SPG7: variants seen among roughly 807,000 people sequenced by gnomAD.
SPG7 encodes SPG7 matrix AAA peptidase subunit, paraplegin.
Under a neutral mutation model 81.9 loss-of-function variants are expected in SPG7, and 103 were observed. The ratio of observed to expected loss-of-function variants is 1.26; its 90% CI spans 1.07 to 1.48. The LOEUF (loss-of-function observed/expected upper bound fraction) is 1.48. Among genes scored for constraint, SPG7 ranks in the 40% most tolerant of loss-of-function variants. SPG7 has a pLI of 0.00. For synonymous variants in SPG7, 534 were observed against 444.2 expected (o/e 1.20, Z -2.54); for missense variants, 1,241 against 1,087.3 (o/e 1.14, Z -1.99).
chr16:89,525,186 T>TG (rs1270957971), intron 4 of SPG7, among the ~76,000 whole-genome samples: 3 of 152,136 alleles, frequency 2.0e-5, no homozygotes, highest in Non-Finnish European at 1.5e-5. Flanking sequence ...CAGGCTGGTC[T>TG]TGAACTCCTG....
rs1433673841 is a variant in SPG7, at chr16:89,556,887, C to A, written c.2182C>A (p.Leu728Met). The A allele has an allele frequency of 6.2e-7, 1 of 1,612,798 alleles. No homozygotes were observed. The highest frequency in any genetic ancestry group is 1.1e-5 in the South Asian group (1 of 91,052). Residue 728 changes from leucine to methionine, a missense_variant and splice_region_variant, in exon 17 of 17, where the codon CTG becomes ATG. Coordinates refer to ENST00000645818, the MANE Select transcript of SPG7 (RefSeq NM_003119.4). ...LQDNLDKLQA[L>M]ANALLEKEVI... ...ACACTGCTATGCCTGTTCTTTCTAG[C>A]TGGCAAACGCCCTTCTGGAAAAGGA... is the stretch of plus-strand genomic sequence containing the variant.
At chr16:89,535,577 G>T (rs1419706372) in intron 9 of SPG7, among the ~76,000 whole-genome samples, 1 of 152,198 alleles carries the variant, frequency 6.6e-6, no homozygotes, top group African/African-American at 2.4e-5. Flanking sequence ...GTGGTCATGG[G>T]AGTCGAGTTT....
intron 3 of SPG7, chr16:89,522,033 T>G (rs2058194755): frequency 6.6e-6 from 1 of 152,166 alleles, no homozygotes; most frequent in South Asian, 2.1e-4. Context: ...CAATTGGTAA[T>G]TAAATATTGG....
Position 89,532,494 on chromosome 16 carries a change from T to C in SPG7, c.1182T>C (p.Phe394=). The C allele has an allele frequency of 6.2e-7, 1 of 1,613,602 alleles. No homozygotes were observed. ...GLGAARVRSL[F]KEARARAPCI... is the part of the protein sequence containing the mutation. The stretch of plus-strand genomic sequence containing the variant: ...GCGCTGCCCGTGTGCGGAGCCTCTT[T>C]AAGGAAGCCCGAGCCCGGGCCCCCT... Residue 394 remains phenylalanine, a synonymous_variant, in exon 9 of 17, where the codon TTT becomes TTC. Transcript: ENST00000645818.
Position 89,532,610 on chromosome 16 carries a change from T to C in SPG7, c.1298T>C (p.Leu433Pro), listed in dbSNP as rs2058360596. ...TCCAACACGGAGGAGGAGCAGACGC[T>C]CAACCAGCTTCTGGTAGAAATGGAT... The part of the protein sequence containing the change: ...GFSNTEEEQT[L>P]NQLLVEMDGM... The change falls in exon 9 of 17, where the codon CTC (leucine) becomes CCC (proline). Residue 433 changes from leucine to proline, a missense_variant. Leu to Pro is a moderately conservative substitution (Grantham distance 98, BLOSUM62 -3). Transcript: ENST00000645818. The C allele has an allele frequency of 6.2e-7, 1 of 1,613,566 alleles. No individual in the cohort carries two copies. The highest frequency in any genetic ancestry group is 1.7e-5 in the Admixed American group (1 of 60,010).
At chr16:89,511,009 G>T (rs1415507733) in intron 2 of SPG7, among the ~76,000 whole-genome samples, 1 of 151,986 alleles carries the variant, frequency 6.6e-6, no homozygotes, top group Admixed American at 6.6e-5. Flanking sequence ...ATTTTTGGGG[G>T]GTATTTTTTG....
At chr16:89,529,995 A>G (rs1597629834) in intron 6 of SPG7, 1 of 306,544 alleles carries the variant, frequency 3.3e-6, no homozygotes, top group Non-Finnish European at 6.3e-6. Context: ...ACGCGCCACC[A>G]CGTCCAGCTA....
intron 5 of SPG7, among the ~76,000 whole-genome samples, chr16:89,527,751 T>G (rs1351613897): frequency 6.6e-6 from 1 of 152,170 alleles, no homozygotes; most frequent in Non-Finnish European, 1.5e-5. Flanking sequence ...TGTTGACTTG[T>G]AATCTCTGAA....
At chr16:89,544,907 G>A (rs962858101) in intron 10 of SPG7, 135 bp downstream of exon 10, 15 of 1,112,640 alleles carry the variant, frequency 1.3e-5, no homozygotes, top group Non-Finnish European at 1.9e-5. Flanking sequence ...AGTGTCCAGC[G>A]TGGCCCCCGC....
At chr16:89,536,797 A>T (rs1194225164) in intron 9 of SPG7, 1 of 1,613,960 alleles carries the variant, frequency 6.2e-7, no homozygotes, top group Non-Finnish European at 8.5e-7. Flanking sequence ...CTCCCAGGGG[A>T]CCATGAGGAA....
At position 89,548,101 on chromosome 16, in the gene SPG7, C is replaced by G. The variant is rs763854903; in HGVS notation, c.1651C>G (p.Arg551Gly). The change falls in exon 12 of 17, where the codon CGC becomes GGC. Residue 551 changes from arginine to glycine, a missense_variant. Transcript: ENST00000645818. ...HTLNFEYAVE[R>G]VLAGTAKKSK... ...TCTCAACTTCGAGTACGCCGTGGAG[C>G]GCGTCCTCGCAGGTACAGGGGGCGC... is the stretch of plus-strand genomic sequence containing the variant. 6 of 1,604,812 alleles carry G rather than the reference C, an allele frequency of 3.7e-6. No individual in the cohort carries two copies. The South Asian group carries it at 5.5e-5, about 15-fold the overall frequency.
At chr16:89,528,331 A>G (rs9932779) in intron 5 of SPG7, among the ~76,000 whole-genome samples, 2,162 of 151,194 alleles carry the variant, frequency 0.014, 52 homozygotes, top group African/African-American at 0.047. Context: ...GGCGGAGCTT[A>G]CAGTGAGCCA....
chr16:89,545,658 C>T (rs1397389114), intron 10 of SPG7: 5 of 263,548 alleles, frequency 1.9e-5, no homozygotes, highest in South Asian at 6.5e-5. Flanking sequence ...CCAGGGGACA[C>T]GGCTTCTCCA....
intron 11 of SPG7, 29 bp from the exon 12 acceptor site, chr16:89,547,974 A>G (rs1406189926): frequency 1.9e-6 from 3 of 1,568,116 alleles, no homozygotes; most frequent in South Asian, 1.1e-5. Flanking sequence ...AAACCCACCC[A>G]CCCACACCGT....
At chr16:89,553,492 C>T (rs1333516328) in intron 14 of SPG7, 3 of 533,450 alleles carry the variant, frequency 5.6e-6, no homozygotes, top group Non-Finnish European at 1.0e-5. Flanking sequence ...CCCTGGGCTC[C>T]AGGTCCATGG....
intron 9 of SPG7, chr16:89,536,771 C>T (rs767069894): frequency 1.2e-6 from 2 of 1,614,046 alleles, no homozygotes; most frequent in Non-Finnish European, 8.5e-7. Flanking sequence ...CCAGGTGCCT[C>T]TCTTGACCAG....
intron 16 of SPG7, 194 bp downstream of exon 16, chr16:89,554,757 C>T (rs2058670245): frequency 1.7e-6 from 1 of 588,660 alleles, no homozygotes; most frequent in East Asian, 2.9e-5. Context: ...CAAGTGTGTT[C>T]CCCCGAGGTA....
At chr16:89,515,234 C>T (rs1049161427) in intron 3 of SPG7, among the ~76,000 whole-genome samples, 2 of 138,114 alleles carry the variant, frequency 1.4e-5, no homozygotes, top group Admixed American at 7.7e-5. Flanking sequence ...CCGCACCCAG[C>T]CCTGGACCTT....
At position 89,524,023 on chromosome 16, in the gene SPG7, G is replaced by T; in HGVS notation, c.394G>T (p.Glu132Ter). 6.2e-7 allele frequency: 1 copy of T among 1,613,024 alleles called. No homozygotes were observed. The highest frequency in any genetic ancestry group is 8.5e-7 in the Non-Finnish European group (1 of 1,180,026). The change falls in exon 4 of 17, where the codon GAG becomes TAG. Residue 132 changes from glutamate to a stop codon, truncating the protein, a stop_gained. Transcript: ENST00000645818. LOFTEE classifies it high-confidence loss of function. ...CGGCTCAGAGGAGAGGAGACGCCGT[G>T]AGCGGGACGACCAGATGTACCGAGA... is the stretch of plus-strand genomic sequence containing the variant. ...EEDEEERRRR[E>*]RDDQMYRERL...
Sources: gnomAD v4.1 joint callset for allele counts (sites outside exome capture counted in the v4.1 genomes callset) on GRCh38, gnomAD v4.1.1 for gene constraint, MANE v1.5 for transcripts, NCBI Gene and HGNC (gene_info 2026-07-23, HGNC 2026-07-21) for gene names.